The following FGGY variants were observed in gnomAD, a reference collection of about 807,000 sequenced individuals.
FGGY encodes FGGY carbohydrate kinase domain containing.
A neutral mutation model predicts 71.3 loss-of-function variants in FGGY; 72 were observed. That is an observed-to-expected ratio of 1.01 (90% CI 0.84 to 1.23). The LOEUF is 1.23. Ranked by LOEUF, FGGY falls within the 50% of genes most tolerant of loss-of-function variation. The pLI, the probability that FGGY is intolerant of heterozygous loss-of-function variation, is 0.00. For missense variants in FGGY, 668 were observed against 682.3 expected (o/e 0.98, Z 0.23); for synonymous variants, 251 against 250.3 (o/e 1.00, Z -0.02).
chr1:59,612,594 G>A (rs868224281), intron 9 of FGGY, among the ~76,000 whole-genome samples: 48 of 152,094 alleles, frequency 3.2e-4, no homozygotes, highest in African/African-American at 1.1e-3. Flanking sequence ...TCAACTAACA[G>A]GCAAAATAAC....
At chr1:59,373,794 C>G (rs1571214957) in intron 4 of FGGY, among the ~76,000 whole-genome samples, 1 of 152,228 alleles carries the variant, frequency 6.6e-6, no homozygotes, top group East Asian at 1.9e-4. Flanking sequence ...CTGAGAAAAA[C>G]AAGCAATGGG....
At chr1:59,374,834 C>G (rs920429303) in intron 4 of FGGY, among the ~76,000 whole-genome samples, 1 of 144,332 alleles carries the variant, frequency 6.9e-6, no homozygotes. Context: ...CGCATATTCT[C>G]ACTCATAGGT....
intron 4 of FGGY, among the ~76,000 whole-genome samples, chr1:59,350,029 G>C (rs1431123671): frequency 6.6e-6 from 1 of 152,130 alleles, no homozygotes; most frequent in African/African-American, 2.4e-5. Context: ...TCAGGGAATG[G>C]TACCTTTGTT....
chr1:59,698,797 G>T, intron 14 of FGGY: 1 of 985,398 alleles, frequency 1.0e-6, no homozygotes, highest in South Asian at 4.7e-5. Flanking sequence ...CGCATACATT[G>T]AGTGCGTGTA....
intron 5 of FGGY, among the ~76,000 whole-genome samples, chr1:59,452,306 G>C (rs147942419): frequency 1.3e-5 from 2 of 152,028 alleles, no homozygotes; most frequent in Non-Finnish European, 2.9e-5. Flanking sequence ...TAAAGATAAA[G>C]ATAAAATTCA....
chr1:59,595,680 A>G (rs1446240633), intron 8 of FGGY, among the ~76,000 whole-genome samples: 1 of 152,002 alleles, frequency 6.6e-6, no homozygotes, highest in Non-Finnish European at 1.5e-5. Flanking sequence ...ACAGAGTGAG[A>G]CTCCATCTCA....
At chr1:59,634,990 A>G (rs7524379) in intron 10 of FGGY, among the ~76,000 whole-genome samples, 11,689 of 152,166 alleles carry the variant, frequency 0.077, 1,220 homozygotes, top group African/African-American at 0.24. Context: ...GGATATATCA[A>G]CCTGGGGTTC....
At chr1:59,517,254 CTTTTTTTTTTTTT>C (rs57951011) in intron 7 of FGGY, among the ~76,000 whole-genome samples, 1 of 87,628 alleles carries the variant, frequency 1.1e-5, no homozygotes, top group Admixed American at 1.4e-4. Flanking sequence ...CTCAGTTGCT[CTTTTTTTTTTTTT>C]TTTTTTTTTT....
At chr1:59,614,123 A>G (rs1196255409) in intron 9 of FGGY, among the ~76,000 whole-genome samples, 1 of 152,224 alleles carries the variant, frequency 6.6e-6, no homozygotes, top group Non-Finnish European at 1.5e-5. Context: ...ATAGGAAAAG[A>G]GGGAATCCTC....
At chr1:59,648,247 C>T (rs1003158525) in intron 11 of FGGY, among the ~76,000 whole-genome samples, 68 of 104,538 alleles carry the variant, frequency 6.5e-4, no homozygotes, top group Admixed American at 6.2e-3. Context: ...GATTTATAGT[C>T]ATTTGGGTAT....
rs953813936 is a variant in FGGY, at chr1:59,468,236, C to A, written c.670+11160C>A. ...TTGTTTCTAAACCACAATGGACTTT[C>A]GTAAATTTTTTGAATTAAATAATAC... On this transcript the variant is annotated intron_variant, in intron 6 of 15. Coordinates refer to ENST00000303721, the MANE Select transcript of FGGY (RefSeq NM_018291.5). Among the ~76,000 whole-genome samples the A allele has an allele frequency of 5.9e-5, 9 of 152,222 alleles. No individual in the cohort carries two copies. The South Asian group carries it at 8.3e-4, about 14-fold the overall frequency.
At chr1:59,659,532 C>T (rs137895065) in intron 11 of FGGY, among the ~76,000 whole-genome samples, 1 of 152,268 alleles carries the variant, frequency 6.6e-6, no homozygotes, top group African/African-American at 2.4e-5. Flanking sequence ...AACCCAGCAG[C>T]CCTCACCCTT....
At chr1:59,403,117 A>G (rs2062201082) in intron 5 of FGGY, among the ~76,000 whole-genome samples, 1 of 152,202 alleles carries the variant, frequency 6.6e-6, no homozygotes, top group Non-Finnish European at 1.5e-5. Flanking sequence ...ACACATTTTG[A>G]TAGTCAAAGA....
intron 5 of FGGY, among the ~76,000 whole-genome samples, chr1:59,421,471 A>G (rs1305204935): frequency 6.9e-6 from 1 of 144,386 alleles, no homozygotes; most frequent in African/African-American, 2.6e-5. Flanking sequence ...CCCTCCCTCC[A>G]TCTCTCCCTC....
At chr1:59,625,429 G>C (rs958680683) in intron 9 of FGGY, among the ~76,000 whole-genome samples, 1 of 152,110 alleles carries the variant, frequency 6.6e-6, no homozygotes, top group Non-Finnish European at 1.5e-5. Flanking sequence ...AGTCAGGAGA[G>C]TTTCTCCTGA....
intron 12 of FGGY, among the ~76,000 whole-genome samples, chr1:59,660,612 A>G (rs1471455077): frequency 1.3e-5 from 2 of 152,194 alleles, no homozygotes; most frequent in Non-Finnish European, 2.9e-5. Context: ...GCATTAAGAA[A>G]AGTTGTTAAG....
chr1:59,661,873 C>T (rs1392174794), intron 12 of FGGY, among the ~76,000 whole-genome samples: 1 of 151,372 alleles, frequency 6.6e-6, no homozygotes, highest in Non-Finnish European at 1.5e-5. Flanking sequence ...GCGCATGCCA[C>T]CATGCCCAGC....
At chr1:59,405,761 T>C (rs1055220478) in intron 5 of FGGY, among the ~76,000 whole-genome samples, 6 of 152,134 alleles carry the variant, frequency 3.9e-5, no homozygotes, top group African/African-American at 1.4e-4. Context: ...ACTTGGTTGG[T>C]TGGCTAGAGG....
Position 59,472,744 on chromosome 1 carries a change from C to A in FGGY, c.670+15668C>A, listed in dbSNP as rs534163578. Among the ~76,000 whole-genome samples, 5 of 148,966 alleles carry A rather than the reference C, an allele frequency of 3.4e-5. No homozygotes were observed. In the South Asian group the frequency reaches 8.5e-4, roughly 25 times the overall value. On this transcript the variant is annotated intron_variant, in intron 6 of 15. Coordinates refer to ENST00000303721, the MANE Select transcript of FGGY (RefSeq NM_018291.5). Reference sequence around the variant, plus strand: ...GGGACTTGGAGAACCTTTGTGTGGACACTCTGTATCTAGCTAATCTGGTGG... The same window carrying A: ...GGGACTTGGAGAACCTTTGTGTGGAAACTCTGTATCTAGCTAATCTGGTGG...
Sources: gnomAD v4.1 joint callset for allele counts (sites outside exome capture counted in the v4.1 genomes callset) on GRCh38, gnomAD v4.1.1 for gene constraint, MANE v1.5 for transcripts, NCBI Gene and HGNC (gene_info 2026-07-23, HGNC 2026-07-21) for gene names.